ERC1: variants seen among roughly 807,000 people sequenced by gnomAD.
The protein encoded by ERC1 is RAB6 interacting protein 2.
Under a neutral mutation model 132.0 loss-of-function variants are expected in ERC1, and 56 were observed. The observed-to-expected ratio is 0.42, with a 90% CI of 0.34 to 0.53. The LOEUF is 0.53. Among genes scored for constraint, ERC1 ranks in the 20% least tolerant of loss-of-function variants. ERC1 has a pLI of 0.03. For missense variants in ERC1, 1,202 were observed against 1,349.9 expected (o/e 0.89, Z 1.72); for synonymous variants, 478 against 476.1 (o/e 1.00, Z -0.05).
At chr12:1,362,299 C>T (rs2086202305) in intron 15 of ERC1, among the ~76,000 whole-genome samples, 1 of 152,214 alleles carries the variant, frequency 6.6e-6, no homozygotes, top group South Asian at 2.1e-4. Context: ...AAGTTGCCAG[C>T]ATTCACCAGG....
rs150339627 is a variant in ERC1 at position 1,314,165 on chromosome 12, A to G, written c.2780+24153A>G. Among the ~76,000 whole-genome samples the G allele has an allele frequency of 4.3e-3, 650 of 152,228 alleles. 10 individuals carry two copies. Among genetic ancestry groups the G allele is most frequent in the African/African-American group, 0.015 (624 of 41,530 alleles). On this transcript the variant is annotated intron_variant, in intron 15 of 18. Coordinates refer to ENST00000360905, the MANE Select transcript of ERC1 (RefSeq NM_178040.4). ...ATTTTTAACTCCATAGAGGTGATTC[A>G]TTTACTATAAAGCCTTAAGAAAAAT...
At chr12:1,324,903 G>T (rs1302525354) in intron 15 of ERC1, among the ~76,000 whole-genome samples, 1 of 152,128 alleles carries the variant, frequency 6.6e-6, no homozygotes, top group African/African-American at 2.4e-5. Context: ...CACCTCACAT[G>T]GGCAGTCGCC....
At chr12:1,101,175 G>A (rs1389372326) in intron 3 of ERC1, among the ~76,000 whole-genome samples, 1 of 152,110 alleles carries the variant, frequency 6.6e-6, no homozygotes, top group African/African-American at 2.4e-5. Context: ...CATGATAAAA[G>A]GGACCAAATA....
At chr12:1,438,185 A>T (rs979250581) in intron 17 of ERC1, among the ~76,000 whole-genome samples, 1 of 152,238 alleles carries the variant, frequency 6.6e-6, no homozygotes, top group African/African-American at 2.4e-5. Flanking sequence ...GGCTTGACAC[A>T]CTATCCTTCA....
At chr12:1,263,814 C>T (rs908276131) in intron 14 of ERC1, among the ~76,000 whole-genome samples, 5 of 151,996 alleles carry the variant, frequency 3.3e-5, no homozygotes, top group Non-Finnish European at 5.9e-5. Context: ...CTCAACCTCC[C>T]GAGTAGCTGG....
chr12:1,309,952 TTTTGTTTTG>T lies in ERC1; in HGVS notation c.2780+19944_2780+19952del, dbSNP rs1258742239. Among the ~76,000 whole-genome samples the T allele has an allele frequency of 7.0e-4, 105 of 150,918 alleles. 1 individual carries two copies. Among genetic ancestry groups the T allele is most frequent in the African/African-American group, 1.5e-3 (63 of 40,842 alleles). The stretch of plus-strand genomic sequence containing the variant: ...TTTTCTTTTGTTTTGTTTTGTTTTG[TTTTGTTTTG>T]TTTTGAGACAGAGTCTCGTGCTGTC... On this transcript the variant is annotated intron_variant, in intron 15 of 18. Coordinates refer to ENST00000360905, the MANE Select transcript of ERC1 (RefSeq NM_178040.4).
At position 1,093,982 on chromosome 12, in the gene ERC1, T is replaced by TATATATATATATATATATATAC. The variant is rs1190212077; in HGVS notation, c.1086+10405_1086+10406insTATATATATATATATATACATA. On this transcript the variant is annotated intron_variant, in intron 3 of 18. Coordinates refer to ENST00000360905, the MANE Select transcript of ERC1 (RefSeq NM_178040.4). ...CTATATATATATATATATATATATA[T>TATATATATATATATATATATAC]ATAGAAAAACATAGAAAATGAATAG... Among the ~76,000 whole-genome samples, 3 of 132,400 alleles carry TATATATATATATATATATATAC rather than the reference T, an allele frequency of 2.3e-5. No homozygotes were observed. In the South Asian group the frequency reaches 7.3e-4, roughly 32 times the overall value. 86.9% of individuals were successfully genotyped at this position (132,400 alleles called of 152,430 possible).
chr12:1,028,879 G>T (rs1346250638), intron 2 of ERC1, among the ~76,000 whole-genome samples: 1 of 145,224 alleles, frequency 6.9e-6, no homozygotes. Context: ...ATTCTTCTGA[G>T]AGTATAATTT....
At position 1,187,849 on chromosome 12, in the gene ERC1, G is replaced by T. The variant is rs571645089; in HGVS notation, c.2158-2010G>T. Among the ~76,000 whole-genome samples, 11 of 152,254 alleles carry T rather than the reference G, an allele frequency of 7.2e-5. No homozygotes were observed. The South Asian group carries it at 2.3e-3, about 32-fold the overall frequency. On this transcript the variant is annotated intron_variant, in intron 11 of 18. Coordinates refer to ENST00000360905, the MANE Select transcript of ERC1 (RefSeq NM_178040.4). ...TTATATAATTTATAGCCTCTATTAA[G>T]AAGATAGACACTTAAAAAGGTAATT...
At chr12:1,163,810 G>A (rs1412951236) in intron 8 of ERC1, among the ~76,000 whole-genome samples, 1 of 152,106 alleles carries the variant, frequency 6.6e-6, no homozygotes, top group East Asian at 1.9e-4. Flanking sequence ...CTACCTCCTG[G>A]GTTCAAGCAA....
intron 16 of ERC1, among the ~76,000 whole-genome samples, chr12:1,404,614 A>G (rs2091329050): frequency 6.6e-6 from 1 of 152,190 alleles, no homozygotes; most frequent in African/African-American, 2.4e-5. Flanking sequence ...TCAAAGTACA[A>G]ACTTTGGCCA....
chr12:1,195,644 G>T (rs1956150612), intron 12 of ERC1, among the ~76,000 whole-genome samples: 1 of 152,120 alleles, frequency 6.6e-6, no homozygotes, highest in Non-Finnish European at 1.5e-5. Context: ...ACCCATAATT[G>T]CTGCAGCTAC....
chr12:1,352,283 A>T (rs2085073475), intron 15 of ERC1, among the ~76,000 whole-genome samples: 3 of 152,164 alleles, frequency 2.0e-5, no homozygotes, highest in Admixed American at 1.3e-4. Flanking sequence ...AAGGCATTTA[A>T]TAAATGTGTG....
intron 12 of ERC1, among the ~76,000 whole-genome samples, chr12:1,218,573 T>C (rs1958641658): frequency 6.6e-6 from 1 of 152,178 alleles, no homozygotes; most frequent in East Asian, 1.9e-4. Context: ...ACGAAACTGC[T>C]CTTGTCAAGT....
At chr12:1,127,997 T>C (rs1246300064) in intron 7 of ERC1, among the ~76,000 whole-genome samples, 1 of 152,208 alleles carries the variant, frequency 6.6e-6, no homozygotes, top group African/African-American at 2.4e-5. Flanking sequence ...GAGACTGACT[T>C]ATTCTCCTTG....
intron 15 of ERC1, among the ~76,000 whole-genome samples, chr12:1,317,076 G>T (rs905002541): frequency 6.6e-6 from 1 of 151,318 alleles, no homozygotes; most frequent in Non-Finnish European, 1.5e-5. Flanking sequence ...CAGGAGAATC[G>T]CTTGAATCCA....
chr12:1,180,501 A>T (rs766775843), intron 8 of ERC1, 39 bp from the exon 9 acceptor site: 8 of 1,592,752 alleles, frequency 5.0e-6, no homozygotes, highest in Admixed American at 1.7e-5. Context: ...TTTTTTATAC[A>T]TGTCCTCTCT....
At chr12:1,455,219 C>A (rs1592163106) in intron 18 of ERC1, among the ~76,000 whole-genome samples, 1 of 152,110 alleles carries the variant, frequency 6.6e-6, no homozygotes, top group Non-Finnish European at 1.5e-5. Context: ...TTTCTTAATG[C>A]TAGGAACCTT....
chr12:1,149,816 C>G (rs747522532), intron 8 of ERC1, among the ~76,000 whole-genome samples: 6 of 152,056 alleles, frequency 3.9e-5, no homozygotes, highest in Non-Finnish European at 7.4e-5. Flanking sequence ...ATTACTTGAA[C>G]AAGACTTCAG....
Sources: gnomAD v4.1 joint callset for allele counts (sites outside exome capture counted in the v4.1 genomes callset) on GRCh38, gnomAD v4.1.1 for gene constraint, MANE v1.5 for transcripts, NCBI Gene and HGNC (gene_info 2026-07-23, HGNC 2026-07-21) for gene names.